AGAP1: variants seen among roughly 807,000 people sequenced by gnomAD.
AGAP1 encodes arf-GAP with GTPase, ANK repeat and PH domain-containing protein 1.
Under a neutral mutation model 105.3 loss-of-function variants are expected in AGAP1, and 29 were observed. That is an observed-to-expected ratio of 0.28 (90% CI 0.21 to 0.38). The LOEUF (loss-of-function observed/expected upper bound fraction) is 0.38, where lower values mean the gene tolerates loss of function less well. AGAP1 is among the 10% of genes least tolerant of loss of function. The pLI is 1.00. For synonymous variants in AGAP1, 509 were observed against 485.9 expected (o/e 1.05, Z -0.63); for missense variants, 998 against 1,165.1 (o/e 0.86, Z 2.09).
chr2:236,067,848 A>G (rs2058387438), intron 16 of AGAP1, among the ~76,000 whole-genome samples: 1 of 152,114 alleles, frequency 6.6e-6, no homozygotes, highest in African/African-American at 2.4e-5. Context: ...CCGTTCCTGG[A>G]TGTTTTGCAT....
Position 235,664,670 on chromosome 2 carries a change from G to C in AGAP1, c.164-44509G>C, listed in dbSNP as rs1266395573. On this transcript the variant is annotated intron_variant, in intron 1 of 17. Coordinates refer to ENST00000304032, the MANE Select transcript of AGAP1 (RefSeq NM_001037131.3). The surrounding 1 kb of genome is among the most constrained non-coding windows in gnomAD (Gnocchi z 5.7). ...AACCAAGCTTGCTTCTCACTGGCCTGTTTAAGTGGAAATGAAGTCTCAGTG... is the reference window on the plus strand; with the variant it reads ...AACCAAGCTTGCTTCTCACTGGCCTCTTTAAGTGGAAATGAAGTCTCAGTG... Among the ~76,000 whole-genome samples the C allele has an allele frequency of 1.3e-5, 2 of 152,226 alleles. No homozygotes were observed. The highest frequency in any genetic ancestry group is 2.9e-5 in the Non-Finnish European group (2 of 68,046).
At position 236,027,196 on chromosome 2, in the gene AGAP1, T is replaced by G. The variant is rs1026331275; in HGVS notation, c.1646-9365T>G. 3.9e-5 allele frequency among the ~76,000 whole-genome samples: 6 copies of G among 152,148 alleles called. No homozygotes were observed. Among genetic ancestry groups the G allele is most frequent in the South Asian group, 4.1e-4 (2 of 4,826 alleles). On this transcript the variant is annotated intron_variant, in intron 13 of 17. Coordinates refer to ENST00000304032, the MANE Select transcript of AGAP1 (RefSeq NM_001037131.3). The surrounding 1 kb of genome is among the most constrained non-coding windows in gnomAD (Gnocchi z 4.4). ...GCAGAGAAAAGTCATATGGCAGATA[T>G]AAATTAGATCTGAAACTCTACGTGT... is the stretch of plus-strand genomic sequence containing the variant.
intron 12 of AGAP1, among the ~76,000 whole-genome samples, chr2:235,933,659 A>G (rs1267565360): frequency 6.6e-6 from 1 of 151,264 alleles, no homozygotes; most frequent in South Asian, 2.1e-4. Flanking sequence ...CAGGCTCCCG[A>G]GTAGCTGGGA....
chr2:235,713,339 G>A (rs776311027), intron 2 of AGAP1, among the ~76,000 whole-genome samples: 27 of 152,152 alleles, frequency 1.8e-4, no homozygotes, highest in Non-Finnish European at 5.9e-5. Flanking sequence ...GATGTACGTC[G>A]GATTAGGAGG....
Position 235,849,863 on chromosome 2 carries a change from A to C in AGAP1, c.1051-33482A>C, listed in dbSNP as rs1961975441. ...CGCCCAGTGCTCCTGTCCCCATCTC[A>C]CACATGTGTGGAACAAGCCACTCAC... On this transcript the variant is annotated intron_variant, in intron 9 of 17. Transcript: ENST00000304032. Among the ~76,000 whole-genome samples the C allele has an allele frequency of 2.0e-5, 3 of 152,088 alleles. No homozygotes were observed. The South Asian group carries it at 6.2e-4, about 32-fold the overall frequency.
chr2:235,526,495 C>T (rs184008248), intron 1 of AGAP1, among the ~76,000 whole-genome samples: 123 of 152,314 alleles, frequency 8.1e-4, no homozygotes, highest in Non-Finnish European at 6.5e-4. Context: ...TTTAGTTTTG[C>T]AGCAGGAAAA....
intron 1 of AGAP1, among the ~76,000 whole-genome samples, chr2:235,538,858 A>G (rs1262624622): frequency 6.6e-6 from 1 of 152,104 alleles, no homozygotes; most frequent in Non-Finnish European, 1.5e-5. Flanking sequence ...TGGCATTTTA[A>G]AAGTTTTTAA....
intron 4 of AGAP1, among the ~76,000 whole-genome samples, chr2:235,742,075 C>A (rs1381085706): frequency 4.6e-5 from 7 of 152,196 alleles, no homozygotes; most frequent in Non-Finnish European, 1.0e-4. Flanking sequence ...TCAAAGGAGC[C>A]GAGAGCTGGT....
Position 235,754,235 on chromosome 2 carries a change from G to T in AGAP1, c.673+3747G>T, listed in dbSNP as rs536399724. Among the ~76,000 whole-genome samples the T allele has an allele frequency of 6.6e-6, 1 of 152,296 alleles. No individual in the cohort carries two copies. The highest frequency in any genetic ancestry group is 6.5e-5 in the Admixed American group (1 of 15,300). Reference sequence around the variant, plus strand: ...TGCCCACAGGTCTGGGGAGGGCCTTGCAGGGGATGCACCCAGCCAGCAGGG... The same window carrying T: ...TGCCCACAGGTCTGGGGAGGGCCTTTCAGGGGATGCACCCAGCCAGCAGGG... On this transcript the variant is annotated intron_variant, in intron 6 of 17. Coordinates refer to ENST00000304032, the MANE Select transcript of AGAP1 (RefSeq NM_001037131.3). This position sits in a 1 kb window ranked among gnomAD's most constrained non-coding sequence, Gnocchi z 4.6.
chr2:235,503,999 G>C (rs1941677033), intron 1 of AGAP1, among the ~76,000 whole-genome samples: 1 of 152,104 alleles, frequency 6.6e-6, no homozygotes, highest in Non-Finnish European at 1.5e-5. Flanking sequence ...CTCCTGCCTT[G>C]GCCTCCCAAA....
chr2:235,848,642 A>G (rs529778767), intron 9 of AGAP1, among the ~76,000 whole-genome samples: 1 of 152,338 alleles, frequency 6.6e-6, no homozygotes, highest in South Asian at 2.1e-4. Flanking sequence ...GAGTACTTTT[A>G]CATTTTCCAA....
intron 9 of AGAP1, among the ~76,000 whole-genome samples, chr2:235,812,523 G>A (rs73998941): frequency 0.026 from 3,910 of 152,348 alleles, 177 homozygotes; most frequent in African/African-American, 0.09. Context: ...TGTGGCATGG[G>A]CAGAATGAAA....
chr2:235,519,468 G>C (rs753642095), intron 1 of AGAP1, among the ~76,000 whole-genome samples: 1 of 152,124 alleles, frequency 6.6e-6, no homozygotes, highest in Non-Finnish European at 1.5e-5. Context: ...AGAGTATTGA[G>C]TGATAATTCA....
chr2:235,526,012 C>T (rs1297357596), intron 1 of AGAP1, among the ~76,000 whole-genome samples: 11 of 56,098 alleles, frequency 2.0e-4, no homozygotes, highest in African/African-American at 8.4e-4. Context: ...ATGTGGAGGA[C>T]TGATACATAA....
intron 1 of AGAP1, among the ~76,000 whole-genome samples, chr2:235,703,390 A>T (rs1038422089): frequency 6.6e-6 from 1 of 152,114 alleles, no homozygotes; most frequent in African/African-American, 2.4e-5. Context: ...CACCTGGGCA[A>T]CGGGACATCA....
At chr2:236,112,416 G>GA (rs35089728) in intron 16 of AGAP1, among the ~76,000 whole-genome samples, 7 of 133,848 alleles carry the variant, frequency 5.2e-5, no homozygotes, top group Non-Finnish European at 8.9e-5. Flanking sequence ...ATTCCATCTC[G>GA]AAAAAAAAAA....
rs186022505 is a variant in AGAP1, at chr2:235,504,054, T to A, written c.163+9205T>A. On this transcript the variant is annotated intron_variant, in intron 1 of 17. Transcript: ENST00000304032. ...GCACCACCATGCCCGACTAATTTTT[T>A]AATTTTTTTTGTAGAGATGGGGTCT... is the stretch of plus-strand genomic sequence containing the variant. 4.3e-4 allele frequency among the ~76,000 whole-genome samples: 66 copies of A among 152,280 alleles called. No individual in the cohort carries two copies. In the East Asian group the frequency reaches 0.011, roughly 26 times the overall value.
intron 12 of AGAP1, among the ~76,000 whole-genome samples, chr2:235,948,425 T>TC (rs1343857750): frequency 2.6e-5 from 4 of 152,038 alleles, no homozygotes; most frequent in Non-Finnish European, 4.4e-5. Context: ...GCTTCTGTGT[T>TC]CCCCCCACCT....
chr2:235,560,717 C>T (rs900582089), intron 1 of AGAP1, among the ~76,000 whole-genome samples: 5 of 152,206 alleles, frequency 3.3e-5, no homozygotes, highest in African/African-American at 1.2e-4. Flanking sequence ...GAAGGGCATA[C>T]AGCCCTGCTG....
Sources: gnomAD v4.1 joint callset for allele counts (sites outside exome capture counted in the v4.1 genomes callset) on GRCh38, gnomAD v4.1.1 for gene constraint, Gnocchi (gnomAD v3.1) non-coding constraint, MANE v1.5 for transcripts, NCBI Gene and HGNC (gene_info 2026-07-23, HGNC 2026-07-21) for gene names.